Variants in GALNT13 observed in about 807,000 individuals in gnomAD.
The protein encoded by GALNT13 is polypeptide N-acetylgalactosaminyltransferase 13.
GALNT13 carries 28 observed loss-of-function variants against 64.2 expected under a neutral mutation model. The ratio of observed to expected loss-of-function variants is 0.44; its 90% confidence interval spans 0.32 to 0.60. The LOEUF (loss-of-function observed/expected upper bound fraction) is 0.60, where lower values mean the gene tolerates loss of function less well. Ranked by LOEUF, GALNT13 falls within the 20% of genes least tolerant of loss-of-function variation. The pLI, the probability that GALNT13 is intolerant of heterozygous loss-of-function variation, is 0.05. For missense variants in GALNT13, 577 were observed against 669.8 expected (o/e 0.86, Z 1.53); for synonymous variants, 214 against 224.6 (o/e 0.95, Z 0.42).
the GALNT13 span, among the ~76,000 whole-genome samples, chr2:153,758,070 T>C: frequency 6.6e-6 from 1 of 152,198 alleles, no homozygotes; most frequent in African/African-American, 2.4e-5. Flanking sequence ...AATTGTTGTA[T>C]AGTTTTCCCC....
At chr2:153,551,954 G>T in the GALNT13 span, among the ~76,000 whole-genome samples, 1 of 152,180 alleles carries the variant, frequency 6.6e-6, no homozygotes, top group Non-Finnish European at 1.5e-5. Context: ...AAGGATTGTG[G>T]CGTGAGTAAA....
the GALNT13 span, among the ~76,000 whole-genome samples, chr2:153,140,375 G>T: frequency 6.6e-6 from 1 of 152,000 alleles, no homozygotes; most frequent in South Asian, 2.1e-4. Context: ...TCCAAAGGTT[G>T]TATACAACAA....
chr2:153,723,546 T>G, the GALNT13 span, among the ~76,000 whole-genome samples: 2 of 151,310 alleles, frequency 1.3e-5, no homozygotes, highest in East Asian at 3.9e-4. Context: ...ATTGTTTATC[T>G]AGAAAACCCC....
In GALNT13 at chr2:154,242,881, T is replaced by A; in HGVS notation, c.662T>A (p.Leu221Ter). 1.2e-6 allele frequency: 2 copies of A among 1,614,130 alleles called. No homozygotes were observed. Among genetic ancestry groups the A allele is most frequent in the Non-Finnish European group, 8.5e-7 (1 of 1,180,010 alleles). Residue 221 changes from leucine to a stop codon, truncating the protein, a stop_gained, in exon 6 of 13, where the codon TTG becomes TAG. Transcript: ENST00000392825. LOFTEE classifies it high-confidence loss of function. The part of the protein sequence containing the change: ...CECTLGWLEP[L>*]LARIKEDRKT... ...TGCACGTTAGGATGGCTGGAGCCTTTGCTGGCAAGAATAAAGGAAGACAGG... is the reference window on the plus strand; with the variant it reads ...TGCACGTTAGGATGGCTGGAGCCTTAGCTGGCAAGAATAAAGGAAGACAGG...
intron 4 of GALNT13, among the ~76,000 whole-genome samples, chr2:154,209,243 A>C (rs1019926727): frequency 2.0e-5 from 3 of 152,184 alleles, no homozygotes; most frequent in African/African-American, 7.2e-5. Flanking sequence ...ATTTAATTAA[A>C]TCTGAGGATA....
chr2:153,933,520 C>A (rs964728674), intron 2 of GALNT13, among the ~76,000 whole-genome samples: 1 of 152,082 alleles, frequency 6.6e-6, no homozygotes, highest in African/African-American at 2.4e-5. Context: ...TTATCCAAAT[C>A]TTCACTTTGT....
chr2:153,450,517 T>A, the GALNT13 span, among the ~76,000 whole-genome samples: 35 of 152,248 alleles, frequency 2.3e-4, no homozygotes, highest in Non-Finnish European at 1.5e-5. Context: ...CTTTAGATGA[T>A]GTATTGGATG....
chr2:153,872,619 C>CGGGGGGGGGGG (rs1218155488), intron 1 of GALNT13, among the ~76,000 whole-genome samples: 8 of 16,290 alleles, frequency 4.9e-4, no homozygotes, highest in African/African-American at 1.3e-3. Context: ...TTGTTGGTGG[C>CGGGGGGGGGGG]GGGGGGGGGG....
the GALNT13 span, among the ~76,000 whole-genome samples, chr2:153,490,296 TA>T: frequency 6.6e-6 from 1 of 152,220 alleles, no homozygotes; most frequent in Non-Finnish European, 1.5e-5. Context: ...ATATAGACAA[TA>T]TTTTTTAAAA....
At chr2:153,740,260 T>C in the GALNT13 span, among the ~76,000 whole-genome samples, 1 of 152,056 alleles carries the variant, frequency 6.6e-6, no homozygotes, top group Non-Finnish European at 1.5e-5. Context: ...CACAAGTCCC[T>C]GAGGCACTGT....
intron 4 of GALNT13, among the ~76,000 whole-genome samples, chr2:154,214,927 A>G (rs750110471): frequency 1.3e-4 from 20 of 152,208 alleles, no homozygotes; most frequent in Non-Finnish European, 2.8e-4. Flanking sequence ...TTCACAGATG[A>G]CATGAATAAG....
rs932320266 is a variant in GALNT13 at position 154,309,994 on chromosome 2, G to A, written c.1156+8405G>A. Reference sequence around the variant, plus strand: ...CCCAAGAATTCCACATACCTGCCACGTGGAACTACATTCATTGGGTCTCCA... The same window carrying A: ...CCCAAGAATTCCACATACCTGCCACATGGAACTACATTCATTGGGTCTCCA... On this transcript the variant is annotated intron_variant, in intron 9 of 12. Transcript: ENST00000392825. Among the ~76,000 whole-genome samples, 88 of 152,212 alleles carry A rather than the reference G, an allele frequency of 5.8e-4. 1 individual carries two copies. Among genetic ancestry groups the A allele is most frequent in the African/African-American group, 1.9e-3 (78 of 41,534 alleles).
chr2:154,047,904 C>T (rs760090256), intron 3 of GALNT13, among the ~76,000 whole-genome samples: 1 of 152,286 alleles, frequency 6.6e-6, no homozygotes, highest in Middle Eastern at 3.4e-3. Context: ...ACACTGCCTC[C>T]TCACCCAAGT....
At chr2:154,445,310 GA>G (rs1701510321) in intron 12 of GALNT13, among the ~76,000 whole-genome samples, 1 of 151,416 alleles carries the variant, frequency 6.6e-6, no homozygotes, top group South Asian at 2.1e-4. Context: ...GTTTCCAGAG[GA>G]TAAGCAAAAT....
intron 3 of GALNT13, among the ~76,000 whole-genome samples, chr2:154,004,999 A>G (rs944321013): frequency 1.3e-5 from 2 of 152,156 alleles, no homozygotes; most frequent in African/African-American, 2.4e-5. Context: ...TAAGGGCTCA[A>G]TATAATCTGT....
chr2:153,195,360 G>A, the GALNT13 span, among the ~76,000 whole-genome samples: 1 of 152,148 alleles, frequency 6.6e-6, no homozygotes, highest in African/African-American at 2.4e-5. Context: ...AAGGGAAACT[G>A]TGAGTCAAAC....
chr2:153,371,781 T>C, the GALNT13 span, among the ~76,000 whole-genome samples: 1 of 152,228 alleles, frequency 6.6e-6, no homozygotes. Flanking sequence ...TGGGTTTTTG[T>C]AGATATTAAA....
At chr2:153,123,470 G>C in the GALNT13 span, among the ~76,000 whole-genome samples, 1 of 152,056 alleles carries the variant, frequency 6.6e-6, no homozygotes, top group Non-Finnish European at 1.5e-5. Flanking sequence ...CAAGATTAAG[G>C]GTGTTAGAAC....
chr2:154,358,016 G>A (rs758474247), intron 9 of GALNT13, among the ~76,000 whole-genome samples: 1 of 152,026 alleles, frequency 6.6e-6, no homozygotes. Flanking sequence ...TGAGCTTTGA[G>A]TGGAATGTGC....
Sources: gnomAD v4.1 joint callset for allele counts (sites outside exome capture counted in the v4.1 genomes callset) on GRCh38, gnomAD v4.1.1 for gene constraint, MANE v1.5 for transcripts, NCBI Gene and HGNC (gene_info 2026-07-23, HGNC 2026-07-21) for gene names.